The following PCDHA7 variants were observed in gnomAD, a reference collection of about 807,000 sequenced individuals.
PCDHA7 encodes protocadherin alpha-7.
A neutral mutation model predicts 57.2 loss-of-function variants in PCDHA7; 37 were observed. The ratio of observed to expected loss-of-function variants is 0.65; its 90% CI spans 0.50 to 0.85. The LOEUF (loss-of-function observed/expected upper bound fraction) is 0.85. Ranked by LOEUF, PCDHA7 falls within the 40% of genes least tolerant of loss-of-function variation. The pLI is 0.00. For synonymous variants in PCDHA7, 553 were observed against 558.8 expected, an observed-to-expected ratio of 0.99 and a Z score of 0.15; for missense variants, 1,188 against 1,241.8, an observed-to-expected ratio of 0.96 and a Z score of 0.65.
chr5:140,899,052 C>CCAA (rs1554188364), intron 1 of PCDHA7, among the ~76,000 whole-genome samples: 7 of 151,400 alleles, frequency 4.6e-5, no homozygotes, highest in Non-Finnish European at 1.0e-4. Flanking sequence ...TATCCTGAGA[C>CCAA]TTTGCTGAAG....
intron 1 of PCDHA7, among the ~76,000 whole-genome samples, chr5:140,948,880 C>G (rs1430288840): frequency 6.6e-6 from 1 of 151,410 alleles, no homozygotes; most frequent in Non-Finnish European, 1.5e-5. Flanking sequence ...TTACTTTGCT[C>G]TCTTTTAGAT....
At chr5:140,878,107 A>G in intron 1 of PCDHA7, 1 of 256,418 alleles carries the variant, frequency 3.9e-6, no homozygotes, top group Non-Finnish European at 7.2e-6. Context: ...AACCTTGAAA[A>G]AAACAGTATA....
intron 1 of PCDHA7, among the ~76,000 whole-genome samples, chr5:140,840,938 GA>G (rs1162522962): frequency 6.6e-6 from 1 of 151,908 alleles, no homozygotes; most frequent in Non-Finnish European, 1.5e-5. Flanking sequence ...TACGATATTT[GA>G]AATATTGGGA....
chr5:140,882,449 C>T (rs782741434), intron 1 of PCDHA7: 1 of 1,614,022 alleles, frequency 6.2e-7, no homozygotes, highest in Admixed American at 1.7e-5. Context: ...GGAGCTGGTG[C>T]CGCGCCTGTT....
chr5:140,939,607 A>G (rs1396731179), intron 1 of PCDHA7, among the ~76,000 whole-genome samples: 2 of 152,244 alleles, frequency 1.3e-5, no homozygotes, highest in Non-Finnish European at 2.9e-5. Flanking sequence ...CAAAAACAGA[A>G]CAAGGAGACA....
chr5:140,838,075 ATAGTGTGTGTGTGTGT>A (rs1457596432), intron 1 of PCDHA7, among the ~76,000 whole-genome samples: 1,771 of 128,230 alleles, frequency 0.014, 43 homozygotes, highest in African/African-American at 0.016. Flanking sequence ...TTATATATAT[ATAGTGTGTGTGTGTGT>A]GTGTGTGTGT....
intron 1 of PCDHA7, chr5:140,884,384 G>C: frequency 6.2e-7 from 1 of 1,613,972 alleles, no homozygotes; most frequent in Non-Finnish European, 8.5e-7. Context: ...TGCCATCTGC[G>C]CGGTGTCCAG....
chr5:140,927,068 C>T, intron 1 of PCDHA7: 1 of 1,611,218 alleles, frequency 6.2e-7, no homozygotes, highest in Non-Finnish European at 8.5e-7. Context: ...CGCTTCCTTT[C>T]CAGCCACCGC....
chr5:140,969,403 G>C, intron 1 of PCDHA7: 1 of 1,579,282 alleles, frequency 6.3e-7, no homozygotes, highest in Non-Finnish European at 8.6e-7. Context: ...CCTGTGATTT[G>C]GCTTTATTGA....
chr5:140,948,889 AT>A (rs1263260325), intron 1 of PCDHA7, among the ~76,000 whole-genome samples: 2 of 151,468 alleles, frequency 1.3e-5, no homozygotes, highest in Non-Finnish European at 3.0e-5. Flanking sequence ...TCTCTTTTAG[AT>A]TTTAAGTGGA....
At chr5:140,850,229 C>A (rs2150474580) in intron 1 of PCDHA7, 3 of 1,593,694 alleles carry the variant, frequency 1.9e-6, no homozygotes, top group African/African-American at 2.7e-5. Flanking sequence ...GCGCAGTGAG[C>A]GAGATGGTGC....
At chr5:140,916,072 AC>A (rs1445012621) in intron 1 of PCDHA7, among the ~76,000 whole-genome samples, 4 of 152,054 alleles carry the variant, frequency 2.6e-5, no homozygotes, top group Non-Finnish European at 5.9e-5. Flanking sequence ...TGTGGCCAGT[AC>A]TACCACTGGT....
chr5:140,851,897 C>T (rs1308914587), intron 1 of PCDHA7: 1 of 973,518 alleles, frequency 1.0e-6, no homozygotes, highest in African/African-American at 1.8e-5. Context: ...TGAGATTTGC[C>T]TCTTTAATGT....
Position 140,858,600 on chromosome 5 carries a change from T to A in PCDHA7, c.2355+21862T>A, listed in dbSNP as rs1554151852. The stretch of plus-strand genomic sequence containing the variant: ...GTAATATAATTTATTCCAGGAGTTT[T>A]AAAATTTTTTTATCCTACCCAGTGT... On this transcript the variant is annotated intron_variant, in intron 1 of 3. Coordinates refer to ENST00000525929, the MANE Select transcript of PCDHA7 (RefSeq NM_018910.3). 7.0e-6 allele frequency: 9 copies of A among 1,293,864 alleles called. 2 individuals are homozygous for A. The highest frequency in any genetic ancestry group is 3.0e-5 in the African/African-American group (2 of 67,188). The allele number at this position is 1,293,864 out of a possible 1,614,324, so 80.1% of individuals were successfully genotyped here.
At chr5:140,907,411 GA>G (rs1435126945) in intron 1 of PCDHA7, among the ~76,000 whole-genome samples, 1 of 152,192 alleles carries the variant, frequency 6.6e-6, no homozygotes, top group Non-Finnish European at 1.5e-5. Flanking sequence ...GGAATACCAC[GA>G]TGGTGGATAA....
At position 140,937,762 on chromosome 5, in the gene PCDHA7, A is replaced by T. The variant is rs955142751; in HGVS notation, c.2356-41187A>T. Among the ~76,000 whole-genome samples, 6 of 151,868 alleles carry T rather than the reference A, an allele frequency of 4.0e-5. No individual in the cohort carries two copies. The South Asian group carries it at 6.2e-4, about 16-fold the overall frequency. On this transcript the variant is annotated intron_variant, in intron 1 of 3. Coordinates refer to ENST00000525929, the MANE Select transcript of PCDHA7 (RefSeq NM_018910.3). ...CCCGTCTCTACTAAAAATACAAAAA[A>T]TTAGTCGGGCGTGGTGGCGGGCGTA... is the stretch of plus-strand genomic sequence containing the variant.
intron 1 of PCDHA7, among the ~76,000 whole-genome samples, chr5:140,970,254 T>C (rs1315934666): frequency 1.3e-5 from 2 of 152,238 alleles, no homozygotes; most frequent in African/African-American, 4.8e-5. Context: ...TGACAGTTTC[T>C]ATGGTTTTGA....
intron 1 of PCDHA7, among the ~76,000 whole-genome samples, chr5:140,900,615 T>C (rs1554189289): frequency 1.3e-5 from 2 of 152,336 alleles, no homozygotes; most frequent in East Asian, 3.9e-4. Context: ...GACATGTAGA[T>C]TGCTTCCAAA....
rs782520879 is a variant in PCDHA7, at chr5:141,009,808, T to A, written c.2685T>A (p.Ile895=). Residue 895 remains isoleucine (I), a synonymous_variant, in exon 4 of 4, where the codon ATT becomes ATA. Transcript: ENST00000525929. ...GGCAGGAGCCTACTAACAGCCAAAT[T>A]GACAAAAGTGACTTCATAACCTTCG... The part of the protein sequence containing the change: ...SIRQEPTNSQ[I]DKSDFITFGK... The A allele has an allele frequency of 1.2e-6, 2 of 1,613,832 alleles. No homozygotes were observed. The highest frequency in any genetic ancestry group is 2.2e-5 in the South Asian group (2 of 91,042).
Sources: allele counts gnomAD v4.1 joint callset (sites outside exome capture counted in the v4.1 genomes callset), GRCh38; gene constraint gnomAD v4.1.1; transcripts MANE v1.5; gene names NCBI Gene and HGNC (gene_info 2026-07-23, HGNC 2026-07-21).